The following NPTX1 variants were observed in gnomAD, a reference collection of about 807,000 sequenced individuals.
NPTX1 encodes neuronal pentraxin 1.
NPTX1 carries 12 observed loss-of-function variants against 38.7 expected under a neutral mutation model. That is an observed-to-expected ratio of 0.31 (90% CI 0.20 to 0.50). The LOEUF (loss-of-function observed/expected upper bound fraction) is 0.50. Ranked by LOEUF, NPTX1 falls within the 20% of genes least tolerant of loss-of-function variation. The pLI, the probability that NPTX1 is intolerant of heterozygous loss-of-function variation, is 0.98. For missense variants in NPTX1, 454 were observed against 592.2 expected (o/e 0.77, Z 2.42); for synonymous variants, 272 against 264.9 (o/e 1.03, Z -0.26).
intron 3 of NPTX1, among the ~76,000 whole-genome samples, chr17:80,472,180 C>T (rs1303248660): frequency 1.3e-5 from 2 of 152,156 alleles, no homozygotes; most frequent in African/African-American, 4.8e-5. Flanking sequence ...TCCTACTCAC[C>T]CTCCTCCCTC....
At chr17:80,471,710 C>T (rs770980673) in intron 4 of NPTX1, 22 bp downstream of exon 4, 1 of 1,593,648 alleles carries the variant, frequency 6.3e-7, no homozygotes, top group Non-Finnish European at 8.6e-7. Flanking sequence ...TCTCCCCTTC[C>T]CCACCACATC....
chr17:80,475,485 AGCACG>A lies in NPTX1; in HGVS notation c.652+21_652+25del, dbSNP rs1168165158. On this transcript the variant is annotated intron_variant, in intron 2 of 4. Transcript: ENST00000306773. This position sits in a 1 kb window ranked among gnomAD's most constrained non-coding sequence, Gnocchi z 6.5. ...GTCGGGCAAGCAGGTGCAGGCAGGC[AGCACG>A]GCTCCCCCTGGCCCCAGTACCTTTC... 6.3e-7 allele frequency: 1 copy of A among 1,592,604 alleles called. No individual in the cohort carries two copies. The highest frequency in any genetic ancestry group is 1.1e-5 in the South Asian group (1 of 89,766).
chr17:80,467,789 T>G lies in NPTX1; in HGVS notation c.*3024A>C, dbSNP rs1446044882. The G allele has an allele frequency of 6.6e-6, 1 of 152,530 alleles. No homozygotes were observed. Among genetic ancestry groups the G allele is most frequent in the Non-Finnish European group, 1.5e-5 (1 of 68,040 alleles). 9.4% of individuals were successfully genotyped at this position (152,530 alleles called of 1,614,324 possible). A position where few individuals can be genotyped will look rare whatever the true frequency, so the allele number is the denominator to read the frequency against. On this transcript the variant is annotated 3_prime_UTR_variant, in exon 5 of 5. Transcript: ENST00000306773. ...CAAGGGAGATATAGGTTGAGTTAAT[T>G]TATAGGTTTGTCCTTTTCTTTCATA...
intron 2 of NPTX1, chr17:80,473,681 A>T: frequency 1.8e-6 from 1 of 543,924 alleles, no homozygotes. Context: ...TGTCACGCCC[A>T]TGTGCTGGCA....
At position 80,469,172 on chromosome 17, in the gene NPTX1, C is replaced by T. The variant is rs1282954780; in HGVS notation, c.*1641G>A. On this transcript the variant is annotated 3_prime_UTR_variant, in exon 5 of 5. Transcript: ENST00000306773. Reference sequence around the variant, plus strand: ...GAACAGAAGACAGAAACACCTGCTCCTCCTGCAGAAATGTCTGCAGCTGCA... The same window carrying T: ...GAACAGAAGACAGAAACACCTGCTCTTCCTGCAGAAATGTCTGCAGCTGCA... 2.0e-5 allele frequency: 3 copies of T among 152,664 alleles called. No homozygotes were observed. The highest frequency in any genetic ancestry group is 3.9e-4 in the East Asian group (2 of 5,180). The allele number at this position is 152,664 out of a possible 1,614,324, so 9.5% of individuals were successfully genotyped here. A position where few individuals can be genotyped will look rare whatever the true frequency, so the allele number is the denominator to read the frequency against.
Position 80,476,071 on chromosome 17 carries a change from C to T in NPTX1, c.376G>A (p.Ala126Thr). 2 of 1,608,202 alleles carry T rather than the reference C, an allele frequency of 1.2e-6. No homozygotes were observed. The highest frequency in any genetic ancestry group is 1.1e-5 in the South Asian group (1 of 90,952). ...CCGAGTTGGCTGAGCGTCTCGGCGG[C>T]CGGTGTCCGGGACAGGTCGCCCATG... ...NTMGDLSRTP[A>T]AETLSQLGQT... The change falls in exon 1 of 5, where the codon GCC becomes ACC. Residue 126 changes from alanine to threonine, a missense_variant. Around this residue, in one of 4 missense-constraint regions of NPTX1, gnomAD observed 288 missense variants for 318.4 expected, o/e 0.90. Coordinates refer to ENST00000306773, the MANE Select transcript of NPTX1 (RefSeq NM_002522.4). This position sits in a 1 kb window ranked among gnomAD's most constrained non-coding sequence, Gnocchi z 6.3.
At position 80,476,423 on chromosome 17, in the gene NPTX1, G is replaced by A. The variant is rs1599508983; in HGVS notation, c.24C>T (p.Arg8=). The change falls in exon 1 of 5, where the codon CGC becomes CGT. Residue 8 remains arginine (R), a synonymous_variant. Transcript: ENST00000306773. This position sits in a 1 kb window ranked among gnomAD's most constrained non-coding sequence, Gnocchi z 6.3. MPAGRAA[R]TCALLALCLL... is the part of the protein sequence containing the mutation. ...GGCAGAGGGCGAGCAGCGCACAGGTGCGCGCGGCGCGGCCGGCCGGCATGG... is the reference window on the plus strand; with the variant it reads ...GGCAGAGGGCGAGCAGCGCACAGGTACGCGCGGCGCGGCCGGCCGGCATGG... The A allele has an allele frequency of 7.3e-7, 1 of 1,365,046 alleles. No homozygotes were observed. The highest frequency in any genetic ancestry group is 9.4e-7 in the Non-Finnish European group (1 of 1,066,524). The allele number at this position is 1,365,046 out of a possible 1,614,324, so 84.6% of individuals were successfully genotyped here. A position where few individuals can be genotyped will look rare whatever the true frequency, so the allele number is the denominator to read the frequency against.
Position 80,468,526 on chromosome 17 carries a change from C to A in NPTX1, c.*2287G>T, listed in dbSNP as rs910784344. 1 of 152,264 alleles carries A rather than the reference C, an allele frequency of 6.6e-6. No homozygotes were observed. Among genetic ancestry groups the A allele is most frequent in the Admixed American group, 6.5e-5 (1 of 15,278 alleles). The allele number at this position is 152,264 out of a possible 1,614,324, so 9.4% of individuals were successfully genotyped here. On this transcript the variant is annotated 3_prime_UTR_variant, in exon 5 of 5. Coordinates refer to ENST00000306773, the MANE Select transcript of NPTX1 (RefSeq NM_002522.4). ...ACCGGGCGTTGCCTACACAAGGGCT[C>A]CGAGATGGCTGGAGTGAGGGTGGGG...
Position 80,475,896 on chromosome 17 carries a change from G to T in NPTX1, c.444+107C>A. 1.0e-6 allele frequency: 1 copy of T among 996,238 alleles called. No individual in the cohort carries two copies. The highest frequency in any genetic ancestry group is 1.4e-6 in the Non-Finnish European group (1 of 721,430). 61.7% of individuals were successfully genotyped at this position (996,238 alleles called of 1,614,324 possible). A position where few individuals can be genotyped will look rare whatever the true frequency, so the allele number is the denominator to read the frequency against. ...GGAGGCACCGGCCGGGCACCCGCGC[G>T]GCTGAGGCGAGGGCGGGGGATGCCT... On this transcript the variant is annotated intron_variant, in intron 1 of 4. Coordinates refer to ENST00000306773, the MANE Select transcript of NPTX1 (RefSeq NM_002522.4). The surrounding 1 kb of genome is among the most constrained non-coding windows in gnomAD (Gnocchi z 6.5).
intron 4 of NPTX1, 47 bp downstream of exon 4, chr17:80,471,685 C>T (rs755266954): frequency 6.4e-7 from 1 of 1,573,008 alleles, no homozygotes; most frequent in Non-Finnish European, 8.6e-7. Flanking sequence ...TTCCCAGCCT[C>T]TGGTTCTGAA....
Position 80,476,349 on chromosome 17 carries a change from G to T in NPTX1, c.98C>A (p.Thr33Asn). The change falls in exon 1 of 5, where the codon ACC becomes AAC. Residue 33 changes from threonine to asparagine, a missense_variant. By Grantham distance (65) the Thr-to-Asn change is moderately conservative. This residue lies in a region of NPTX1 where 288 missense variants were observed against 318.4 expected (regional missense o/e 0.90). Coordinates refer to ENST00000306773, the MANE Select transcript of NPTX1 (RefSeq NM_002522.4). The surrounding 1 kb of genome is among the most constrained non-coding windows in gnomAD (Gnocchi z 6.3). ...CATGTCGGCGTCCACGGGCACCGAG[G>T]TGCAGATGAAGCGCGTCGGCCCGAA... ...QDFGPTRFIC[T>N]SVPVDADMCA... 6.5e-7 allele frequency: 1 copy of T among 1,534,374 alleles called. No homozygotes were observed. Among genetic ancestry groups the T allele is most frequent in the Non-Finnish European group, 8.7e-7 (1 of 1,146,634 alleles).
Position 80,475,922 on chromosome 17 carries a change from G to T in NPTX1, c.444+81C>A. 3.2e-6 allele frequency: 4 copies of T among 1,237,024 alleles called. No homozygotes were observed. In the South Asian group the frequency reaches 4.1e-5, roughly 13 times the overall value. The allele number at this position is 1,237,024 out of a possible 1,614,324, so 76.6% of individuals were successfully genotyped here. ...GCTGAGGCGAGGGCGGGGGATGCCT[G>T]GCCGGGTAGGGAACGGGGTGGGGGA... On this transcript the variant is annotated intron_variant, in intron 1 of 4. Transcript: ENST00000306773. The surrounding 1 kb of genome is among the most constrained non-coding windows in gnomAD (Gnocchi z 6.5).
Position 80,475,854 on chromosome 17 carries a change from G to A in NPTX1, c.445-136C>T, listed in dbSNP as rs1014021392. 3.0e-5 allele frequency: 25 copies of A among 830,938 alleles called. No individual in the cohort carries two copies. The highest frequency in any genetic ancestry group is 4.1e-5 in the Non-Finnish European group (24 of 587,888). 51.5% of individuals were successfully genotyped at this position (830,938 alleles called of 1,614,324 possible). On this transcript the variant is annotated intron_variant, in intron 1 of 4. Coordinates refer to ENST00000306773, the MANE Select transcript of NPTX1 (RefSeq NM_002522.4). This position sits in a 1 kb window ranked among gnomAD's most constrained non-coding sequence, Gnocchi z 6.5. The stretch of plus-strand genomic sequence containing the variant: ...GGAGCTGGGGCGAGTGGCCGCCGCG[G>A]GGCCTCGCAGGCGCGGGGAGGCACC...
rs1381890358 is a variant in NPTX1 at position 80,471,874 on chromosome 17, C to T, written c.935G>A (p.Trp312Ter). 1 of 1,613,276 alleles carries T rather than the reference C, an allele frequency of 6.2e-7. No homozygotes were observed. ...GGTCCAGGTGACACAGATGTGGTGCCACTTGCCATCATTGATGACAAAAGG... is the reference window on the plus strand; with the variant it reads ...GGTCCAGGTGACACAGATGTGGTGCTACTTGCCATCATTGATGACAAAAGG... ...KLPFVINDGK[W>*]HHICVTWTTR... is the part of the protein sequence containing the mutation. Residue 312 changes from tryptophan (W) to a stop codon, truncating the protein, a stop_gained, in exon 4 of 5, where the codon TGG becomes TAG. Coordinates refer to ENST00000306773, the MANE Select transcript of NPTX1 (RefSeq NM_002522.4). LOFTEE classifies it high-confidence loss of function.
rs1019761851 is a variant in NPTX1, at chr17:80,469,812, C to T, written c.*1001G>A. On this transcript the variant is annotated 3_prime_UTR_variant, in exon 5 of 5. Transcript: ENST00000306773. ...GGCTTCTTTCCTTAAAAGGTCCCCTCTGGTCTGCACTGCCGGAGGCCAAAG... is the reference window on the plus strand; with the variant it reads ...GGCTTCTTTCCTTAAAAGGTCCCCTTTGGTCTGCACTGCCGGAGGCCAAAG... 2 of 152,342 alleles carry T rather than the reference C, an allele frequency of 1.3e-5. No homozygotes were observed. The highest frequency in any genetic ancestry group is 1.3e-4 in the Admixed American group (2 of 15,292). 9.4% of individuals were successfully genotyped at this position (152,342 alleles called of 1,614,324 possible).
At position 80,475,463 on chromosome 17, in the gene NPTX1, G is replaced by C. The variant is rs771143154; in HGVS notation, c.652+48C>G. 2 of 1,520,058 alleles carry C rather than the reference G, an allele frequency of 1.3e-6. No individual in the cohort carries two copies. Among genetic ancestry groups the C allele is most frequent in the Non-Finnish European group, 9.0e-7 (1 of 1,110,958 alleles). The allele number at this position is 1,520,058 out of a possible 1,614,324, so 94.2% of individuals were successfully genotyped here. A position where few individuals can be genotyped will look rare whatever the true frequency, so the allele number is the denominator to read the frequency against. On this transcript the variant is annotated intron_variant, in intron 2 of 4. Transcript: ENST00000306773. This position sits in a 1 kb window ranked among gnomAD's most constrained non-coding sequence, Gnocchi z 6.5. ...TAGGGATCGGGACCGAGGCAGGGTCGGGCAAGCAGGTGCAGGCAGGCAGCA... is the reference window on the plus strand; with the variant it reads ...TAGGGATCGGGACCGAGGCAGGGTCCGGCAAGCAGGTGCAGGCAGGCAGCA...
In NPTX1 at chr17:80,475,505, C is replaced by A. The variant is rs764092358; in HGVS notation, c.652+6G>T. 4.3e-6 allele frequency: 7 copies of A among 1,609,736 alleles called. No homozygotes were observed. The highest frequency in any genetic ancestry group is 1.1e-5 in the South Asian group (1 of 90,842). On this transcript the variant is annotated splice_donor_region_variant and intron_variant, in intron 2 of 4. Coordinates refer to ENST00000306773, the MANE Select transcript of NPTX1 (RefSeq NM_002522.4). This position sits in a 1 kb window ranked among gnomAD's most constrained non-coding sequence, Gnocchi z 6.5. ...CAGGCAGCACGGCTCCCCCTGGCCCCAGTACCTTTCTCGAGCTCGCTGATC... is the reference window on the plus strand; with the variant it reads ...CAGGCAGCACGGCTCCCCCTGGCCCAAGTACCTTTCTCGAGCTCGCTGATC...
chr17:80,466,899 G>GA lies in NPTX1; in HGVS notation c.*3913dup, dbSNP rs57945494. ...ATTCATGTCATTTCAGCAAGAAAATGAAAAAAAAAAAAAAAGCAAGAATAC... is the reference window on the plus strand; with the variant it reads ...ATTCATGTCATTTCAGCAAGAAAATGAAAAAAAAAAAAAAAAGCAAGAATAC... On this transcript the variant is annotated 3_prime_UTR_variant, in exon 5 of 5. Transcript: ENST00000306773. 0.23 allele frequency among the ~76,000 whole-genome samples: 29,981 copies of GA among 132,104 alleles called. 3,593 individuals are homozygous for GA. The highest frequency in any genetic ancestry group is 0.3 in the Non-Finnish European group (19,037 of 63,540). The allele number at this position is 132,104 out of a possible 152,430, so 86.7% of individuals were successfully genotyped here.
In NPTX1 at chr17:80,470,619, C is replaced by T. The variant is rs1012749662; in HGVS notation, c.*194G>A. Reference sequence around the variant, plus strand: ...TCCGGGCTCCTACAGAGAAGTGGGGCTTCCTCAGGGACAGATGGGAGCAGG... The same window carrying T: ...TCCGGGCTCCTACAGAGAAGTGGGGTTTCCTCAGGGACAGATGGGAGCAGG... On this transcript the variant is annotated 3_prime_UTR_variant, in exon 5 of 5. Coordinates refer to ENST00000306773, the MANE Select transcript of NPTX1 (RefSeq NM_002522.4). 12 of 536,028 alleles carry T rather than the reference C, an allele frequency of 2.2e-5. No individual in the cohort carries two copies. Among genetic ancestry groups the T allele is most frequent in the Non-Finnish European group, 3.3e-5 (10 of 298,612 alleles). The allele number at this position is 536,028 out of a possible 1,614,324, so 33.2% of individuals were successfully genotyped here. A position where few individuals can be genotyped will look rare whatever the true frequency, so the allele number is the denominator to read the frequency against.
Sources: gnomAD v4.1 joint callset for allele counts (sites outside exome capture counted in the v4.1 genomes callset) on GRCh38, gnomAD v4.1.1 for gene constraint, gnomAD v4.1.1 regional missense constraint, Gnocchi (gnomAD v3.1) non-coding constraint, MANE v1.5 for transcripts, NCBI Gene and HGNC (gene_info 2026-07-23, HGNC 2026-07-21) for gene names.